Variants in NT5DC1 observed in about 807,000 individuals in gnomAD.
NT5DC1 encodes the protein 5'-nucleotidase domain containing 1, also known as 5'-nucleotidase domain-containing protein 1.
Under a neutral mutation model 59.4 loss-of-function variants are expected in NT5DC1, and 42 were observed. The ratio of observed to expected loss-of-function variants is 0.71; its 90% confidence interval spans 0.55 to 0.92. The LOEUF (loss-of-function observed/expected upper bound fraction) is 0.92, where lower values mean the gene tolerates loss of function less well. NT5DC1 is among the 40% of genes least tolerant of loss of function. The probability of loss-of-function intolerance (pLI) is 0.00; values close to 1 mark genes in which losing one functional copy is unlikely to be tolerated. For synonymous variants in NT5DC1, 172 were observed against 188.1 expected (o/e 0.91, Z 0.70); for missense variants, 501 against 537.1 (o/e 0.93, Z 0.66).
At position 116,243,975 on chromosome 6, in the gene NT5DC1, C is replaced by A; in HGVS notation, c.1319C>A (p.Pro440Gln). Residue 440 changes from proline (P) to glutamine (Q), a missense_variant, in exon 12 of 12, where the codon CCA becomes CAA. Coordinates refer to ENST00000319550, the MANE Select transcript of NT5DC1 (RefSeq NM_152729.3). ...AATTCAAAAACAGCTGGCTACTATCCAAATCCTCCACTGGTCTTATCAAGT... is the reference window on the plus strand; with the variant it reads ...AATTCAAAAACAGCTGGCTACTATCAAAATCCTCCACTGGTCTTATCAAGT... ...SSNSKTAGYYPNPPLVLSSDE... is the reference protein window; with the variant it reads ...SSNSKTAGYYQNPPLVLSSDE... 6.4e-7 allele frequency: 1 copy of A among 1,572,096 alleles called. No homozygotes were observed. Among genetic ancestry groups the A allele is most frequent in the Non-Finnish European group, 8.7e-7 (1 of 1,145,536 alleles).
intron 11 of NT5DC1, among the ~76,000 whole-genome samples, chr6:116,241,922 C>CAAAAA (rs772261524): frequency 2.9e-4 from 3 of 10,344 alleles, no homozygotes; most frequent in Non-Finnish European, 4.6e-4. Context: ...GACTCCGTCT[C>CAAAAA]AAAAAAAAAA....
At chr6:116,131,337 C>T (rs1779458482) in intron 6 of NT5DC1, among the ~76,000 whole-genome samples, 2 of 152,156 alleles carry the variant, frequency 1.3e-5, no homozygotes, top group South Asian at 4.1e-4. Context: ...GTTTCACCTT[C>T]CTTCTGTATG....
chr6:116,249,225 A>C lies in NT5DC1; in HGVS notation c.*5201A>C, dbSNP rs1423655681. 1.3e-5 allele frequency: 2 copies of C among 152,236 alleles called. No homozygotes were observed. The highest frequency in any genetic ancestry group is 4.8e-5 in the African/African-American group (2 of 41,472). 9.4% of individuals were successfully genotyped at this position (152,236 alleles called of 1,614,324 possible). ...CCTAGAAAAAAATACCTCAGCAAGA[A>C]ATTGCAAGTAATAATTGCACCAAGA... On this transcript the variant is annotated 3_prime_UTR_variant, in exon 12 of 12. Coordinates refer to ENST00000319550, the MANE Select transcript of NT5DC1 (RefSeq NM_152729.3).
chr6:116,186,409 T>A (rs776579351), intron 6 of NT5DC1, among the ~76,000 whole-genome samples: 4 of 151,904 alleles, frequency 2.6e-5, no homozygotes, highest in Non-Finnish European at 5.9e-5. Flanking sequence ...CTGCTTGTAT[T>A]TGGATGCCTA....
intron 6 of NT5DC1, among the ~76,000 whole-genome samples, chr6:116,214,402 AAAT>A (rs1374711474): frequency 6.6e-6 from 1 of 152,206 alleles, no homozygotes; most frequent in African/African-American, 2.4e-5. Context: ...AGATAACGTT[AAAT>A]ATGCATAATC....
chr6:116,188,129 A>G (rs950991769), intron 6 of NT5DC1, among the ~76,000 whole-genome samples: 1 of 152,106 alleles, frequency 6.6e-6, no homozygotes. Flanking sequence ...AGTGCTAATT[A>G]AAGTTCAATG....
At chr6:116,216,494 C>G (rs914198575) in intron 6 of NT5DC1, among the ~76,000 whole-genome samples, 2 of 151,702 alleles carry the variant, frequency 1.3e-5, no homozygotes, top group Non-Finnish European at 2.9e-5. Context: ...ATCTGGAAAT[C>G]AGATACTGTT....
intron 6 of NT5DC1, among the ~76,000 whole-genome samples, chr6:116,171,106 A>G (rs954320539): frequency 2.6e-5 from 4 of 151,952 alleles, no homozygotes; most frequent in Non-Finnish European, 5.9e-5. Context: ...TAAATCCCCA[A>G]CATAGCACTT....
At chr6:116,197,487 A>T (rs865911908) in intron 6 of NT5DC1, among the ~76,000 whole-genome samples, 2 of 151,996 alleles carry the variant, frequency 1.3e-5, no homozygotes, top group Non-Finnish European at 2.9e-5. Context: ...ACCACCTTTT[A>T]CCTCTGCCAC....
chr6:116,204,483 T>C (rs1212487668), intron 6 of NT5DC1, among the ~76,000 whole-genome samples: 2 of 151,940 alleles, frequency 1.3e-5, no homozygotes, highest in African/African-American at 4.8e-5. Context: ...GATGAGAGTG[T>C]GGGGTAAGTG....
Position 116,114,420 on chromosome 6 carries a change from A to T in NT5DC1, c.365-1271A>T, listed in dbSNP as rs556376165. ...TGCTTATTGGATTACTCATTCATTC[A>T]TTCAGCAAACGTCTATTGAGTGCTT... is the stretch of plus-strand genomic sequence containing the variant. On this transcript the variant is annotated intron_variant, in intron 4 of 11. Coordinates refer to ENST00000319550, the MANE Select transcript of NT5DC1 (RefSeq NM_152729.3). Among the ~76,000 whole-genome samples the T allele has an allele frequency of 4.0e-5, 6 of 151,076 alleles. No homozygotes were observed. The Admixed American group carries it at 4.0e-4, about 10-fold the overall frequency.
chr6:116,134,122 CT>C (rs1211382115), intron 6 of NT5DC1, among the ~76,000 whole-genome samples: 2 of 152,180 alleles, frequency 1.3e-5, no homozygotes, highest in Non-Finnish European at 2.9e-5. Context: ...CAAAACAGTG[CT>C]TGGGAATGCT....
At chr6:116,234,551 G>C (rs1782080453) in intron 8 of NT5DC1, among the ~76,000 whole-genome samples, 1 of 151,852 alleles carries the variant, frequency 6.6e-6, no homozygotes, top group Non-Finnish European at 1.5e-5. Context: ...ATGCTGACCA[G>C]GCTGGTCTTG....
At chr6:116,197,966 A>G (rs1027942724) in intron 6 of NT5DC1, among the ~76,000 whole-genome samples, 1 of 152,082 alleles carries the variant, frequency 6.6e-6, no homozygotes, top group Non-Finnish European at 1.5e-5. Flanking sequence ...GAATTTTGTC[A>G]TAGAGGGCAG....
chr6:116,125,552 C>T (rs1366342719), intron 6 of NT5DC1: 1 of 1,562,118 alleles, frequency 6.4e-7, no homozygotes, highest in South Asian at 1.1e-5. Context: ...TGTTATTAAC[C>T]TATTTTTTTA....
At chr6:116,210,277 GATTT>G (rs987038534) in intron 6 of NT5DC1, among the ~76,000 whole-genome samples, 2 of 151,650 alleles carry the variant, frequency 1.3e-5, no homozygotes, top group African/African-American at 4.8e-5. Flanking sequence ...AAGCTAATTT[GATTT>G]GTCAAAATTT....
intron 6 of NT5DC1, among the ~76,000 whole-genome samples, chr6:116,209,693 G>T (rs1204784): frequency 0.42 from 64,170 of 151,046 alleles, 17,551 homozygotes; most frequent in African/African-American, 0.78. Context: ...TTTATTTGGG[G>T]TTTTTTTTCC....
At chr6:116,180,190 T>C (rs1780844349) in intron 6 of NT5DC1, among the ~76,000 whole-genome samples, 1 of 152,072 alleles carries the variant, frequency 6.6e-6, no homozygotes, top group Non-Finnish European at 1.5e-5. Context: ...AAAAGATTCA[T>C]TTTATTTAAA....
At chr6:116,243,632 A>T (rs1771780394) in intron 11 of NT5DC1, among the ~76,000 whole-genome samples, 1 of 152,162 alleles carries the variant, frequency 6.6e-6, no homozygotes, top group Admixed American at 6.5e-5. Flanking sequence ...ATTCTGTTAG[A>T]CATGGTTATC....
Sources: allele counts gnomAD v4.1 joint callset (sites outside exome capture counted in the v4.1 genomes callset), GRCh38; gene constraint gnomAD v4.1.1; transcripts MANE v1.5; gene names NCBI Gene and HGNC (gene_info 2026-07-23, HGNC 2026-07-21).